ARHGEF3: variants seen among roughly 807,000 people sequenced by gnomAD.
ARHGEF3 encodes 59.8 kDA protein.
In ARHGEF3, 28 loss-of-function variants were observed where a neutral mutation model predicts 63.2. The observed-to-expected ratio is 0.44, with a 90% CI of 0.33 to 0.61. ARHGEF3 has a LOEUF of 0.61. ARHGEF3 is among the 20% of genes least tolerant of loss of function. The probability of loss-of-function intolerance (pLI) is 0.03; values close to 1 mark genes in which losing one functional copy is unlikely to be tolerated. For synonymous variants in ARHGEF3, 266 were observed against 254.2 expected (o/e 1.05, Z -0.44); for missense variants, 533 against 659.3 (o/e 0.81, Z 2.10).
chr3:57,016,334 G>A (rs1205840140), intron 2 of ARHGEF3, among the ~76,000 whole-genome samples: 1 of 151,200 alleles, frequency 6.6e-6, no homozygotes, highest in East Asian at 2.0e-4. Context: ...ATGAGGTCAG[G>A]GGTTCAATAT....
chr3:56,737,149 G>A (rs1308133281), intron 8 of ARHGEF3, 36 bp downstream of exon 8: 8 of 1,557,454 alleles, frequency 5.1e-6, no homozygotes, highest in Non-Finnish European at 6.1e-6. Flanking sequence ...GGATACGGGA[G>A]GCGGATAAGA....
chr3:56,882,420 A>G, intron 3 of ARHGEF3: 2 of 1,367,714 alleles, frequency 1.5e-6, no homozygotes, highest in Middle Eastern at 3.6e-4. Flanking sequence ...TTAAGGCAAG[A>G]AAAAAAGCAA....
chr3:56,904,579 G>T (rs1260358093), intron 3 of ARHGEF3, among the ~76,000 whole-genome samples: 1 of 152,160 alleles, frequency 6.6e-6, no homozygotes, highest in Admixed American at 6.5e-5. Context: ...CATGAGAGGA[G>T]TAACATTGTT....
intron 4 of ARHGEF3, among the ~76,000 whole-genome samples, chr3:56,838,936 C>A (rs890046274): frequency 2.0e-5 from 3 of 146,908 alleles, no homozygotes; most frequent in African/African-American, 7.6e-5. Flanking sequence ...TCAAGACCAG[C>A]CTAGGCAACA....
chr3:56,747,416 G>A (rs1255523036), intron 6 of ARHGEF3, among the ~76,000 whole-genome samples: 1 of 152,154 alleles, frequency 6.6e-6, no homozygotes, highest in Non-Finnish European at 1.5e-5. Context: ...GACCTGAAAG[G>A]CTATCTGGTT....
At chr3:56,812,830 GGGAGT>G (rs2038117675) in intron 4 of ARHGEF3, among the ~76,000 whole-genome samples, 1 of 152,212 alleles carries the variant, frequency 6.6e-6, no homozygotes, top group Admixed American at 6.5e-5. Flanking sequence ...TCCACCAAAG[GGGAGT>G]CATGTTCTCC....
chr3:56,801,600 G>A (rs2037651496), intron 1 of ARHGEF3, 103 bp downstream of exon 1: 13 of 1,411,806 alleles, frequency 9.2e-6, no homozygotes, highest in Non-Finnish European at 1.2e-5. Context: ...GTGAGAGATG[G>A]AAACAGAGAC....
chr3:56,973,630 C>T (rs1384819268), intron 2 of ARHGEF3, among the ~76,000 whole-genome samples: 6 of 152,042 alleles, frequency 3.9e-5, no homozygotes, highest in Non-Finnish European at 5.9e-5. Context: ...AGGGACAACG[C>T]GGAGGCCAAG....
intron 4 of ARHGEF3, among the ~76,000 whole-genome samples, chr3:56,876,744 C>T (rs763884909): frequency 6.6e-6 from 1 of 152,166 alleles, no homozygotes; most frequent in Non-Finnish European, 1.5e-5. Context: ...GATGGTCCAG[C>T]CATGTGCTCC....
chr3:56,865,876 C>A (rs2040232441), intron 4 of ARHGEF3, among the ~76,000 whole-genome samples: 1 of 152,072 alleles, frequency 6.6e-6, no homozygotes. Context: ...TGTTTATAAC[C>A]CACCCAGGCT....
At chr3:56,979,596 C>T (rs1701250301) in intron 2 of ARHGEF3, among the ~76,000 whole-genome samples, 1 of 152,196 alleles carries the variant, frequency 6.6e-6, no homozygotes, top group African/African-American at 2.4e-5. Flanking sequence ...TAAAGTAGGC[C>T]CCCTCCAAAG....
intron 3 of ARHGEF3, among the ~76,000 whole-genome samples, chr3:56,912,034 G>C (rs568623693): frequency 1.0e-3 from 152 of 151,888 alleles, no homozygotes; most frequent in Non-Finnish European, 1.7e-3. Flanking sequence ...TAGCTAGTCA[G>C]CCAATTACAT....
At chr3:57,076,158 A>G (rs1356173162) in intron 1 of ARHGEF3, among the ~76,000 whole-genome samples, 3 of 152,190 alleles carry the variant, frequency 2.0e-5, no homozygotes, top group African/African-American at 4.8e-5. Context: ...AAATCCAGGA[A>G]AAGAACAAAA....
chr3:56,938,627 C>T (rs1344774476), intron 3 of ARHGEF3: 1 of 152,188 alleles, frequency 6.6e-6, no homozygotes, highest in African/African-American at 2.4e-5. Flanking sequence ...ATACATGAGG[C>T]CTTAGCTCGG....
chr3:56,914,822 G>C (rs1009267705), intron 3 of ARHGEF3, among the ~76,000 whole-genome samples: 1 of 152,160 alleles, frequency 6.6e-6, no homozygotes, highest in South Asian at 2.1e-4. Flanking sequence ...AAAGTAGAAT[G>C]GTGGTTGCCA....
At chr3:56,820,059 C>T (rs775185373) in intron 4 of ARHGEF3, among the ~76,000 whole-genome samples, 7 of 152,218 alleles carry the variant, frequency 4.6e-5, no homozygotes, top group Non-Finnish European at 8.8e-5. Flanking sequence ...ATCCTCTCCC[C>T]TTGACCTCCC....
intron 2 of ARHGEF3, among the ~76,000 whole-genome samples, chr3:56,769,075 T>G (rs1040056159): frequency 2.0e-5 from 3 of 152,270 alleles, no homozygotes; most frequent in African/African-American, 7.2e-5. Context: ...TCTTTTTCTC[T>G]TTCTCCTTTT....
chr3:57,015,209 C>T (rs1312309528), intron 2 of ARHGEF3, among the ~76,000 whole-genome samples: 2 of 152,148 alleles, frequency 1.3e-5, no homozygotes, highest in African/African-American at 4.8e-5. Flanking sequence ...TAAGTAGCCA[C>T]CTGCAGACAC....
chr3:56,878,453 T>G (rs1462518789), intron 4 of ARHGEF3, among the ~76,000 whole-genome samples: 1 of 152,000 alleles, frequency 6.6e-6, no homozygotes, highest in South Asian at 2.1e-4. Context: ...TGGGAAAAAA[T>G]AGTGACCGAT....
Sources: allele counts gnomAD v4.1 joint callset (sites outside exome capture counted in the v4.1 genomes callset), GRCh38; gene constraint gnomAD v4.1.1; transcripts MANE v1.5; gene names NCBI Gene and HGNC (gene_info 2026-07-23, HGNC 2026-07-21).